NBDY: variants seen among roughly 807,000 people sequenced by gnomAD.
The protein encoded by NBDY is negative regulator of P-body association, also known as P-body dissociating protein.
rs72621717 is a variant in NBDY, at chrX:56,767,680, A to C, written c.*166+35481A>C. ...CACTTCTCGCCTATCTCTTCTCCTT[A>C]ACTTTCTTTTATAATTATGTTTTCT... On this transcript the variant is annotated intron_variant, in intron 2 of 2. Coordinates refer to ENST00000374922, the MANE Select transcript of NBDY (RefSeq NM_001348129.2). Among the ~76,000 whole-genome samples, 6 of 113,021 alleles carry C rather than the reference A, an allele frequency of 5.3e-5. No individual in the cohort carries two copies. The East Asian group carries it at 1.7e-3, about 32-fold the overall frequency.
At chrX:56,739,299 TAGAGAG>T (rs143262854) in intron 2 of NBDY, among the ~76,000 whole-genome samples, 3 of 74,327 alleles carry the variant, frequency 4.0e-5, no homozygotes, top group Non-Finnish European at 7.3e-5. Flanking sequence ...TATATATATA[TAGAGAG>T]AGAGAGAGAG....
intron 2 of NBDY, among the ~76,000 whole-genome samples, chrX:56,744,946 AT>A (rs1170267024): frequency 9.0e-6 from 1 of 111,496 alleles, no homozygotes; most frequent in African/African-American, 3.2e-5. Flanking sequence ...TCAACACATG[AT>A]TTTTTTCTTC....
At chrX:56,743,416 A>C (rs897378962) in intron 2 of NBDY, among the ~76,000 whole-genome samples, 7 of 111,220 alleles carry the variant, frequency 6.3e-5, no homozygotes, top group African/African-American at 2.3e-4. Flanking sequence ...TGATGCCATC[A>C]GGTCCCAGGC....
chrX:56,745,087 C>T (rs185601844), intron 2 of NBDY, among the ~76,000 whole-genome samples: 2 of 111,223 alleles, frequency 1.8e-5, no homozygotes, highest in Admixed American at 9.6e-5. Context: ...ATAAGGATTA[C>T]GTGAACATAA....
intron 2 of NBDY, among the ~76,000 whole-genome samples, chrX:56,739,248 A>ATATATATATATATATTTT (rs1351069344): frequency 1.3e-5 from 1 of 79,921 alleles, no homozygotes; most frequent in African/African-American, 5.3e-5. Flanking sequence ...GTATATATAT[A>ATATATATATATATATTTT]TATATATATA....
At chrX:56,749,389 T>G (rs2069572278) in intron 2 of NBDY, among the ~76,000 whole-genome samples, 1 of 111,375 alleles carries the variant, frequency 9.0e-6, no homozygotes, top group African/African-American at 3.3e-5. Context: ...AAGCAAGTTT[T>G]TAATACACAC....
intron 2 of NBDY, among the ~76,000 whole-genome samples, chrX:56,763,964 A>C (rs2069652461): frequency 8.9e-6 from 1 of 112,592 alleles, no homozygotes; most frequent in Non-Finnish European, 1.9e-5. Flanking sequence ...TAGAAACCGG[A>C]GGCAGCTGGG....
chrX:56,802,956 C>CT (rs751218670), intron 2 of NBDY, among the ~76,000 whole-genome samples: 1 of 111,541 alleles, frequency 9.0e-6, no homozygotes, highest in African/African-American at 3.3e-5. Flanking sequence ...TTTCCCTTTT[C>CT]TTTTTTTCAC....
Position 56,732,160 on chromosome X carries a change from T to A in NBDY, c.*127T>A, listed in dbSNP as rs1318894321. 1 of 295,057 alleles carries A rather than the reference T, an allele frequency of 3.4e-6. No homozygotes were observed. Among genetic ancestry groups the A allele is most frequent in the Non-Finnish European group, 5.9e-6 (1 of 169,690 alleles). The allele number at this position is 295,057 out of a possible 1,213,427, so 24.3% of individuals were successfully genotyped here. A position where few individuals can be genotyped will look rare whatever the true frequency, so the allele number is the denominator to read the frequency against. ...AAGATTATTTACAATGCTACCCTGCTTTTTCTGGTGTCCTGAACCTGGAAG... is the reference window on the plus strand; with the variant it reads ...AAGATTATTTACAATGCTACCCTGCATTTTCTGGTGTCCTGAACCTGGAAG... On this transcript the variant is annotated 3_prime_UTR_variant, in exon 2 of 3. Transcript: ENST00000374922.
intron 1 of NBDY, among the ~76,000 whole-genome samples, chrX:56,730,628 G>A (rs1174635400): frequency 9.3e-6 from 1 of 107,299 alleles, no homozygotes; most frequent in Non-Finnish European, 1.9e-5. Flanking sequence ...TCAGGCCGAG[G>A]GTTTCCAGAG....
At chrX:56,755,558 C>T (rs1159796732) in intron 2 of NBDY, among the ~76,000 whole-genome samples, 150 of 112,068 alleles carry the variant, frequency 1.3e-3, no homozygotes, top group African/African-American at 4.6e-3. Context: ...CATCACTGGC[C>T]ATCAGAGAAA....
chrX:56,764,884 C>T (rs375541727), intron 2 of NBDY, among the ~76,000 whole-genome samples: 3 of 111,060 alleles, frequency 2.7e-5, no homozygotes, highest in Non-Finnish European at 3.8e-5. Flanking sequence ...GGTGCAGACC[C>T]GGGCTTGAGG....
intron 2 of NBDY, among the ~76,000 whole-genome samples, chrX:56,752,104 C>T (rs2069588563): frequency 8.9e-6 from 1 of 112,339 alleles, no homozygotes; most frequent in South Asian, 3.7e-4. Flanking sequence ...CAGTCTACCA[C>T]TAATGGGCAC....
intron 2 of NBDY, among the ~76,000 whole-genome samples, chrX:56,781,656 C>T (rs892924158): frequency 1.8e-5 from 2 of 111,674 alleles, no homozygotes; most frequent in Non-Finnish European, 1.9e-5. Context: ...TACTTTTCGT[C>T]CGCTTCTGTT....
chrX:56,787,652 C>G (rs918323586), intron 2 of NBDY, among the ~76,000 whole-genome samples: 5 of 112,126 alleles, frequency 4.5e-5, no homozygotes, highest in African/African-American at 6.5e-5. Context: ...ATAAAGTCCC[C>G]TTGGGATCCT....
intron 2 of NBDY, among the ~76,000 whole-genome samples, chrX:56,815,326 C>T (rs1470300068): frequency 1.8e-5 from 2 of 111,764 alleles, no homozygotes; most frequent in African/African-American, 6.5e-5. Flanking sequence ...TATTTTTCTA[C>T]ATCAAAATGA....
At position 56,783,022 on chromosome X, in the gene NBDY, A is replaced by G. The variant is rs1212423949; in HGVS notation, c.*167-34298A>G. On this transcript the variant is annotated intron_variant, in intron 2 of 2. Coordinates refer to ENST00000374922, the MANE Select transcript of NBDY (RefSeq NM_001348129.2). ...ACAGAAGTAAGCTCACACTAGTACA[A>G]ATGTGCGGGTTTAAGCATTATCGTA... 5.3e-5 allele frequency among the ~76,000 whole-genome samples: 6 copies of G among 112,673 alleles called. No individual in the cohort carries two copies. In the Admixed American group the frequency reaches 5.6e-4, roughly 11 times the overall value.
intron 2 of NBDY, among the ~76,000 whole-genome samples, chrX:56,740,618 G>A (rs2069527161): frequency 9.0e-6 from 1 of 111,227 alleles, no homozygotes; most frequent in Admixed American, 9.6e-5. Flanking sequence ...TATACTTGAG[G>A]CATTGTTAGT....
intron 2 of NBDY, among the ~76,000 whole-genome samples, chrX:56,786,649 T>G (rs1337707248): frequency 9.1e-6 from 1 of 109,639 alleles, no homozygotes; most frequent in Non-Finnish European, 1.9e-5. Context: ...CTTCTTTTTC[T>G]TCTTCTTCTT....
Sources: allele counts gnomAD v4.1 joint callset (sites outside exome capture counted in the v4.1 genomes callset), GRCh38; gene constraint gnomAD v4.1.1; transcripts MANE v1.5; gene names NCBI Gene and HGNC (gene_info 2026-07-23, HGNC 2026-07-21).